The following LSM4 variants were observed in gnomAD, a reference collection of about 807,000 sequenced individuals.
LSM4 encodes LSM4 homolog, U6 small nuclear RNA and mRNA degradation associated.
In LSM4, 15 loss-of-function variants were observed where a neutral mutation model predicts 22.3. The ratio of observed to expected loss-of-function variants is 0.67; its 90% CI spans 0.45 to 1.03. LSM4 has a LOEUF of 1.03. Among genes scored for constraint, LSM4 ranks in the 50% least tolerant of loss-of-function variants. The probability of loss-of-function intolerance (pLI) is 0.00; values close to 1 mark genes in which losing one functional copy is unlikely to be tolerated. For missense variants in LSM4, 127 were observed against 198.0 expected, an observed-to-expected ratio of 0.64 and a Z score of 2.15; for synonymous variants, 90 against 79.8, an observed-to-expected ratio of 1.13 and a Z score of -0.68.
chr19:18,320,626 T>G (rs529542858), intron 1 of LSM4, among the ~76,000 whole-genome samples: 1 of 151,916 alleles, frequency 6.6e-6, no homozygotes, highest in Admixed American at 6.6e-5. Flanking sequence ...TAGTGAAACC[T>G]GATCTCTACT....
At chr19:18,310,462 G>T (rs1048854843) in intron 3 of LSM4, among the ~76,000 whole-genome samples, 1 of 152,228 alleles carries the variant, frequency 6.6e-6, no homozygotes, top group South Asian at 2.1e-4. Context: ...GTCCTGCCAG[G>T]GTGGCTCAAG....
At chr19:18,320,046 G>A (rs1364845201) in intron 1 of LSM4, among the ~76,000 whole-genome samples, 1 of 152,228 alleles carries the variant, frequency 6.6e-6, no homozygotes, top group Non-Finnish European at 1.5e-5. Context: ...AAGGGAAGGA[G>A]TGGCTGCGGG....
chr19:18,311,435 G>A (rs1421426889), intron 3 of LSM4, among the ~76,000 whole-genome samples: 1 of 152,166 alleles, frequency 6.6e-6, no homozygotes, highest in African/African-American at 2.4e-5. Context: ...CCGTCCACTC[G>A]AAGCTGGAGG....
At chr19:18,309,617 G>C in intron 4 of LSM4, 61 bp downstream of exon 4, 1 of 1,501,812 alleles carries the variant, frequency 6.7e-7, no homozygotes, top group Non-Finnish European at 8.9e-7. Flanking sequence ...CCAAGAAGGA[G>C]GGATGCCACG....
chr19:18,312,343 C>T, intron 3 of LSM4: 1 of 430,918 alleles, frequency 2.3e-6, no homozygotes, highest in Admixed American at 3.9e-5. Context: ...AGGGAGTCCC[C>T]AGTCCTAGGT....
intron 3 of LSM4, chr19:18,312,321 A>G: frequency 2.6e-6 from 1 of 386,314 alleles, no homozygotes; most frequent in Non-Finnish European, 4.8e-6. Context: ...GGGCTGCCCC[A>G]GCCTGAGCCA....
intron 2 of LSM4, among the ~76,000 whole-genome samples, chr19:18,314,291 C>T (rs1970328973): frequency 2.0e-5 from 3 of 151,562 alleles, no homozygotes; most frequent in South Asian, 2.1e-4. Context: ...GAGGCCGAGG[C>T]GGGCGGATCA....
intron 1 of LSM4, among the ~76,000 whole-genome samples, chr19:18,320,404 G>T (rs980946632): frequency 6.6e-6 from 1 of 152,212 alleles, no homozygotes; most frequent in Admixed American, 6.5e-5. Context: ...CTACTTGGGA[G>T]GCTGAGGTCA....
chr19:18,308,276 G>A (rs1970255933), intron 4 of LSM4, among the ~76,000 whole-genome samples: 1 of 152,140 alleles, frequency 6.6e-6, no homozygotes, highest in Non-Finnish European at 1.5e-5. Flanking sequence ...CCCTCTGTGT[G>A]CCTGGCGCCC....
Position 18,307,305 on chromosome 19 carries a change from G to T in LSM4, c.*159C>A, listed in dbSNP as rs944863835. 7.9e-6 allele frequency: 4 copies of T among 504,584 alleles called. No individual in the cohort carries two copies. The highest frequency in any genetic ancestry group is 6.0e-5 in the African/African-American group (3 of 50,132). 31.3% of individuals were successfully genotyped at this position (504,584 alleles called of 1,614,324 possible). On this transcript the variant is annotated 3_prime_UTR_variant, in exon 5 of 5. Transcript: ENST00000593829. The stretch of plus-strand genomic sequence containing the variant: ...TCTAACCGGAGAATTGCCGGTTTTA[G>T]CAAGAAAAAGGGGCTTCACCTAAAA...
Position 18,309,686 on chromosome 19 carries a change from G to C in LSM4, c.320C>G (p.Ala107Gly). ...GGAGAGGGGAGACCCACCTCGGCCAGCGCCGCCCATGCCGCGGCCTTTCTG... is the reference window on the plus strand; with the variant it reads ...GGAGAGGGGAGACCCACCTCGGCCACCGCCGCCCATGCCGCGGCCTTTCTG... Reference protein sequence around the residue: ...KQQKGRGMGGAGRGVFGGRGR... With the variant: ...KQQKGRGMGGGGRGVFGGRGR... The change falls in exon 4 of 5, where the codon GCT (alanine) becomes GGT (glycine). Residue 107 changes from alanine to glycine, a missense_variant. By Grantham distance (60) the Ala-to-Gly change is moderately conservative (BLOSUM62 0). Coordinates refer to ENST00000593829, the MANE Select transcript of LSM4 (RefSeq NM_012321.5). The C allele has an allele frequency of 6.2e-7, 1 of 1,604,796 alleles. No homozygotes were observed. The highest frequency in any genetic ancestry group is 1.3e-5 in the African/African-American group (1 of 74,454).
chr19:18,312,799 C>T, intron 2 of LSM4, 97 bp from the exon 3 acceptor site: 1 of 898,262 alleles, frequency 1.1e-6, no homozygotes, highest in Non-Finnish European at 1.8e-6. Flanking sequence ...GGACCACCAC[C>T]TCCGGGCCTC....
intron 1 of LSM4, among the ~76,000 whole-genome samples, chr19:18,321,659 G>C (rs1331690350): frequency 6.6e-6 from 1 of 152,194 alleles, no homozygotes; most frequent in Admixed American, 6.5e-5. Context: ...GCAAGAGTCT[G>C]AAACTCCCCA....
At position 18,309,546 on chromosome 19, in the gene LSM4, A is replaced by G. The variant is rs533755606; in HGVS notation, c.328+132T>C. On this transcript the variant is annotated intron_variant, in intron 4 of 4. Transcript: ENST00000593829. The stretch of plus-strand genomic sequence containing the variant: ...CTGCCTGGGCCTCGGCTCATGGCCA[A>G]GGACCAGGAGGGGGGCCCGGGAGGG... 8.1e-5 allele frequency: 80 copies of G among 992,362 alleles called. No individual in the cohort carries two copies. In the African/African-American group the frequency reaches 1.2e-3, roughly 15 times the overall value. 61.5% of individuals were successfully genotyped at this position (992,362 alleles called of 1,614,324 possible). A position where few individuals can be genotyped will look rare whatever the true frequency, so the allele number is the denominator to read the frequency against.
At chr19:18,314,516 C>CA (rs55809008) in intron 2 of LSM4, among the ~76,000 whole-genome samples, 92 of 141,058 alleles carry the variant, frequency 6.5e-4, no homozygotes, top group Middle Eastern at 3.7e-3. Context: ...GACTCCCTCT[C>CA]AAAAAAAAAA....
In LSM4 at chr19:18,306,423, G is replaced by C. The variant is rs372662828; in HGVS notation, c.*1041C>G. On this transcript the variant is annotated 3_prime_UTR_variant, in exon 5 of 5. Transcript: ENST00000593829. ...AGCGCTGACTCAGTGTCTCAGGTGC[G>C]CGCCCGAGGAGTGGCAAACCCGGCC... 1.3e-5 allele frequency: 2 copies of C among 152,208 alleles called. No homozygotes were observed. The highest frequency in any genetic ancestry group is 1.3e-4 in the Admixed American group (2 of 15,260). 9.4% of individuals were successfully genotyped at this position (152,208 alleles called of 1,614,324 possible).
chr19:18,321,837 T>C (rs1435741508), intron 1 of LSM4, among the ~76,000 whole-genome samples: 1 of 152,010 alleles, frequency 6.6e-6, no homozygotes, highest in Admixed American at 6.6e-5. Flanking sequence ...AAACCTCACT[T>C]CAACACTCCC....
At position 18,312,978 on chromosome 19, in the gene LSM4, T is replaced by C. The variant is rs530865988; in HGVS notation, c.46-276A>G. 8.5e-5 allele frequency among the ~76,000 whole-genome samples: 13 copies of C among 152,342 alleles called. No homozygotes were observed. The South Asian group carries it at 2.5e-3, about 29-fold the overall frequency. On this transcript the variant is annotated intron_variant, in intron 2 of 4. Transcript: ENST00000593829. ...GCTCACGCCTGTAATCCCAGCACTT[T>C]GGGAGGCCGAGGCAGGCAGATCACG... is the stretch of plus-strand genomic sequence containing the variant.
At chr19:18,319,192 A>G (rs1422583328) in intron 1 of LSM4, among the ~76,000 whole-genome samples, 1 of 151,988 alleles carries the variant, frequency 6.6e-6, no homozygotes, top group Non-Finnish European at 1.5e-5. Flanking sequence ...CAGTGAGCCA[A>G]GATTGCGCCA....
Sources: allele counts gnomAD v4.1 joint callset (sites outside exome capture counted in the v4.1 genomes callset), GRCh38; gene constraint gnomAD v4.1.1; transcripts MANE v1.5; gene names NCBI Gene and HGNC (gene_info 2026-07-23, HGNC 2026-07-21).